The following ALG10B variants were observed in gnomAD, a reference collection of about 807,000 sequenced individuals.
ALG10B encodes ALG10 alpha-1,2-glucosyltransferase B.
ALG10B carries 27 observed loss-of-function variants against 38.7 expected under a neutral mutation model. The observed-to-expected ratio is 0.70, with a 90% CI of 0.51 to 0.96. The LOEUF (loss-of-function observed/expected upper bound fraction) is 0.96, where lower values mean the gene tolerates loss of function less well. Among genes scored for constraint, ALG10B ranks in the 40% least tolerant of loss-of-function variants. The probability of loss-of-function intolerance (pLI) is 0.00; values close to 1 mark genes in which losing one functional copy is unlikely to be tolerated. For synonymous variants in ALG10B, 177 were observed against 193.3 expected (o/e 0.92, Z 0.70); for missense variants, 522 against 542.7 (o/e 0.96, Z 0.38).
chr12:38,320,554 T>C lies in ALG10B; in HGVS notation c.763T>C (p.Trp255Arg), dbSNP rs2120493553. 1 of 1,614,144 alleles carries C rather than the reference T, an allele frequency of 6.2e-7. No homozygotes were observed. The highest frequency in any genetic ancestry group is 8.5e-7 in the Non-Finnish European group (1 of 1,179,978). ...KNLSMLFCLT[W>R]PYILLGFLFC... ...CTTGAGTATGCTTTTCTGTTTGACT[T>C]GGCCCTACATCCTTCTGGGATTTCT... Residue 255 changes from tryptophan (W) to arginine (R), a missense_variant, in exon 3 of 3, where the codon TGG becomes CGG. Transcript: ENST00000308742.
In ALG10B at chr12:38,322,138, C is replaced by T. The variant is rs369519778; in HGVS notation, c.*925C>T. The T allele has an allele frequency of 1.3e-4, 20 of 152,336 alleles. No homozygotes were observed. The highest frequency in any genetic ancestry group is 4.6e-4 in the African/African-American group (19 of 41,582). 9.4% of individuals were successfully genotyped at this position (152,336 alleles called of 1,614,324 possible). The stretch of plus-strand genomic sequence containing the variant: ...TAATATCTTGTGGCTGTCTGCAATT[C>T]TTGGAGTTCTTTGGCTTATGGGCAT... On this transcript the variant is annotated 3_prime_UTR_variant, in exon 3 of 3. Coordinates refer to ENST00000308742, the MANE Select transcript of ALG10B (RefSeq NM_001013620.4).
At position 38,320,687 on chromosome 12, in the gene ALG10B, T is replaced by C. The variant is rs753079003; in HGVS notation, c.896T>C (p.Leu299Pro). 8.1e-6 allele frequency: 13 copies of C among 1,613,832 alleles called. No individual in the cohort carries two copies. Among genetic ancestry groups the C allele is most frequent in the African/African-American group, 1.3e-5 (1 of 74,894 alleles). Residue 299 changes from leucine (L) to proline (P), a missense_variant, in exon 3 of 3, where the codon CTC becomes CCC. Leu to Pro is a moderately conservative substitution (Grantham distance 98). Transcript: ENST00000308742. The stretch of plus-strand genomic sequence containing the variant: ...CTATTCTACTTTTTTTCATTTACTC[T>C]CTTTTTTTCTTTTCCTCATCTCCTG... ...PQLFYFFSFT[L>P]FFSFPHLLSP...
In ALG10B at chr12:38,321,180, A is replaced by C; in HGVS notation, c.1389A>C (p.Pro463=). Residue 463 remains proline (P), a synonymous_variant, in exon 3 of 3, where the codon CCA becomes CCC. Coordinates refer to ENST00000308742, the MANE Select transcript of ALG10B (RefSeq NM_001013620.4). The stretch of plus-strand genomic sequence containing the variant: ...TTCTGAACAAGACTTTTCAGTGGCC[A>C]AATAGTCAGGACATTCAAAGGTTTA... ...YIFLNKTFQW[P]NSQDIQRFMW 1 of 1,612,496 alleles carries C rather than the reference A, an allele frequency of 6.2e-7. No homozygotes were observed. The highest frequency in any genetic ancestry group is 8.5e-7 in the Non-Finnish European group (1 of 1,179,346).
Position 38,318,269 on chromosome 12 carries a change from C to T in ALG10B, c.180C>T (p.Pro60=). The change falls in exon 2 of 3, where the codon CCC becomes CCT. Residue 60 remains proline (P), a synonymous_variant. Transcript: ENST00000308742. ...TTTCTTTCATTTTAAAGTGGGATCC[C>T]ATGATTACTACATTACCTGGCTTGT... is the stretch of plus-strand genomic sequence containing the variant. ...EGHFSLSQWD[P]MITTLPGLYL... The T allele has an allele frequency of 6.2e-7, 1 of 1,614,048 alleles. No individual in the cohort carries two copies. The highest frequency in any genetic ancestry group is 8.5e-7 in the Non-Finnish European group (1 of 1,179,998).
intron 2 of ALG10B, 87 bp downstream of exon 2, chr12:38,318,545 T>A: frequency 1.4e-6 from 2 of 1,388,476 alleles, no homozygotes; most frequent in Admixed American, 3.4e-5. Flanking sequence ...TGGTGAAAAA[T>A]GTCTTTAACA....
chr12:38,327,058 C>T lies in ALG10B; in HGVS notation c.*5845C>T, dbSNP rs765660704. 6.8e-6 allele frequency: 1 copy of T among 147,676 alleles called. No individual in the cohort carries two copies. The highest frequency in any genetic ancestry group is 6.8e-5 in the Admixed American group (1 of 14,772). The allele number at this position is 147,676 out of a possible 1,614,324, so 9.1% of individuals were successfully genotyped here. On this transcript the variant is annotated 3_prime_UTR_variant, in exon 3 of 3. Coordinates refer to ENST00000308742, the MANE Select transcript of ALG10B (RefSeq NM_001013620.4). ...ATATATTTATATATACAAATATATACGTATTTATATATACAAATTTGTATA... is the reference window on the plus strand; with the variant it reads ...ATATATTTATATATACAAATATATATGTATTTATATATACAAATTTGTATA...
chr12:38,318,517 A>T (rs559594019), intron 2 of ALG10B, 59 bp downstream of exon 2: 106 of 1,487,974 alleles, frequency 7.1e-5, no homozygotes, highest in Middle Eastern at 1.7e-4. Flanking sequence ...AATTACAATG[A>T]ATTAGTTTTA....
At position 38,321,468 on chromosome 12, in the gene ALG10B, G is replaced by A. The variant is rs778293902; in HGVS notation, c.*255G>A. The A allele has an allele frequency of 3.7e-5, 11 of 297,934 alleles. No homozygotes were observed. Among genetic ancestry groups the A allele is most frequent in the African/African-American group, 6.5e-5 (3 of 46,164 alleles). 18.5% of individuals were successfully genotyped at this position (297,934 alleles called of 1,614,324 possible). On this transcript the variant is annotated 3_prime_UTR_variant, in exon 3 of 3. Coordinates refer to ENST00000308742, the MANE Select transcript of ALG10B (RefSeq NM_001013620.4). ...TTTTCAGATATCTCATATCGCTCTCGTAATGTTGGCCCCTCACAAAGCTTG... is the reference window on the plus strand; with the variant it reads ...TTTTCAGATATCTCATATCGCTCTCATAATGTTGGCCCCTCACAAAGCTTG...
chr12:38,318,538 T>G, intron 2 of ALG10B, 80 bp downstream of exon 2: 1 of 1,436,204 alleles, frequency 7.0e-7, no homozygotes, highest in Non-Finnish European at 9.8e-7. Context: ...TGAGATTTGG[T>G]GAAAAATGTC....
chr12:38,319,889 C>T (rs372009222), intron 2 of ALG10B, among the ~76,000 whole-genome samples: 18 of 152,304 alleles, frequency 1.2e-4, no homozygotes, highest in African/African-American at 4.1e-4. Context: ...AACTCCTTAA[C>T]TAATCATAGC....
intron 2 of ALG10B, among the ~76,000 whole-genome samples, chr12:38,319,528 A>G (rs898818914): frequency 6.6e-6 from 1 of 152,344 alleles, no homozygotes; most frequent in African/African-American, 2.4e-5. Context: ...AGTGGAGTAT[A>G]CAATTCAAGA....
intron 1 of ALG10B, 182 bp from the exon 2 acceptor site, chr12:38,318,079 G>C: frequency 1.4e-6 from 1 of 705,648 alleles, no homozygotes; most frequent in Non-Finnish European, 2.4e-6. Flanking sequence ...TCACTAAGCT[G>C]GTCCGGGGGC....
At position 38,317,036 on chromosome 12, in the gene ALG10B, A is replaced by T; in HGVS notation, c.143A>T (p.Tyr48Phe). The T allele has an allele frequency of 1.2e-6, 2 of 1,614,140 alleles. No individual in the cohort carries two copies. The highest frequency in any genetic ancestry group is 2.2e-5 in the South Asian group (2 of 91,084). The change falls in exon 1 of 3, where the codon TAC becomes TTC. Residue 48 changes from tyrosine to phenylalanine, a missense_variant. By Grantham distance (22) the Tyr-to-Phe change is conservative. Transcript: ENST00000308742. ...EIFHLPQAQR[Y>F]CEGHFSLSQW... The stretch of plus-strand genomic sequence containing the variant: ...TTCCACCTGCCTCAGGCGCAGCGCT[A>T]CTGTGAGGGCCATTTCTCCCTTTCC...
intron 2 of ALG10B, among the ~76,000 whole-genome samples, chr12:38,319,361 G>T: frequency 6.6e-6 from 1 of 152,146 alleles, no homozygotes; most frequent in East Asian, 1.9e-4. Context: ...ATTGGTCTTG[G>T]AATTACAGGA....
In ALG10B at chr12:38,321,177, G is replaced by T. The variant is rs1264375123; in HGVS notation, c.1386G>T (p.Trp462Cys). 6.2e-7 allele frequency: 1 copy of T among 1,612,026 alleles called. No individual in the cohort carries two copies. The highest frequency in any genetic ancestry group is 1.7e-5 in the Admixed American group (1 of 59,788). Residue 462 changes from tryptophan (W) to cysteine (C), a missense_variant, in exon 3 of 3, where the codon TGG becomes TGT. By Grantham distance (215) the Trp-to-Cys change is radical (BLOSUM62 -2). Transcript: ENST00000308742. The part of the protein sequence containing the change: ...FYIFLNKTFQ[W>C]PNSQDIQRFM... ...TCTTTCTGAACAAGACTTTTCAGTG[G>T]CCAAATAGTCAGGACATTCAAAGGT... is the stretch of plus-strand genomic sequence containing the variant.
chr12:38,320,729 A>C lies in ALG10B; in HGVS notation c.938A>C (p.Lys313Thr), dbSNP rs756394065. 5 of 1,613,762 alleles carry C rather than the reference A, an allele frequency of 3.1e-6. No individual in the cohort carries two copies. Among genetic ancestry groups the C allele is most frequent in the Non-Finnish European group, 4.2e-6 (5 of 1,179,910 alleles). ...CATCTCCTGTCTCCTAGCAAAATTA[A>C]GACTTTTCTTTCCTTAGTTTGGAAA... ...FPHLLSPSKIKTFLSLVWKHG... is the reference protein window; with the variant it reads ...FPHLLSPSKITTFLSLVWKHG... The change falls in exon 3 of 3, where the codon AAG becomes ACG. Residue 313 changes from lysine (K) to threonine (T), a missense_variant. Physicochemically the swap from Lys to Thr is moderately conservative, Grantham distance 78 (BLOSUM62 -1). Coordinates refer to ENST00000308742, the MANE Select transcript of ALG10B (RefSeq NM_001013620.4).
rs546948509 is a variant in ALG10B, at chr12:38,326,482, A to G, written c.*5269A>G. ...TAAAGGAAAGTTTCTTATTAAAGAA[A>G]CTTTATACCCTATTAAGGGTATAAT... is the stretch of plus-strand genomic sequence containing the variant. On this transcript the variant is annotated 3_prime_UTR_variant, in exon 3 of 3. Transcript: ENST00000308742. 2.8e-4 allele frequency: 7 copies of G among 25,060 alleles called. No individual in the cohort carries two copies. Among genetic ancestry groups the G allele is most frequent in the African/African-American group, 2.0e-3 (7 of 3,444 alleles). The allele number at this position is 25,060 out of a possible 1,614,324, so 1.6% of individuals were successfully genotyped here. A position where few individuals can be genotyped will look rare whatever the true frequency, so the allele number is the denominator to read the frequency against.
rs1376303516 is a variant in ALG10B at position 38,326,785 on chromosome 12, A to G, written c.*5572A>G. On this transcript the variant is annotated 3_prime_UTR_variant, in exon 3 of 3. Transcript: ENST00000308742. ...CTTGTGTAACTGAGAAAATTATAAT[A>G]AAAATAGAGATTGAGGACATATTTT... 2 of 151,728 alleles carry G rather than the reference A, an allele frequency of 1.3e-5. No homozygotes were observed. The highest frequency in any genetic ancestry group is 4.8e-5 in the African/African-American group (2 of 41,390). The allele number at this position is 151,728 out of a possible 1,614,324, so 9.4% of individuals were successfully genotyped here.
Position 38,318,410 on chromosome 12 carries a change from C to A in ALG10B, c.321C>A (p.Asn107Lys), listed in dbSNP as rs1259394355. The A allele has an allele frequency of 6.8e-6, 11 of 1,613,988 alleles. No homozygotes were observed. Among genetic ancestry groups the A allele is most frequent in the African/African-American group, 1.3e-5 (1 of 74,892 alleles). The part of the protein sequence containing the change: ...RFVNLLFSVG[N>K]FYLLYLLFHK... ...TTAATCTTCTCTTCAGTGTTGGCAA[C>A]TTCTATTTACTATATTTGCTTTTCC... The change falls in exon 2 of 3, where the codon AAC (asparagine) becomes AAA (lysine). Residue 107 changes from asparagine to lysine, a missense_variant. Coordinates refer to ENST00000308742, the MANE Select transcript of ALG10B (RefSeq NM_001013620.4).
Sources: allele counts gnomAD v4.1 joint callset (sites outside exome capture counted in the v4.1 genomes callset), GRCh38; gene constraint gnomAD v4.1.1; transcripts MANE v1.5; gene names NCBI Gene and HGNC (gene_info 2026-07-23, HGNC 2026-07-21).